The following RPGRIP1L variants were observed in gnomAD, a reference collection of about 807,000 sequenced individuals.
RPGRIP1L encodes the protein protein fantom.
In RPGRIP1L, 131 loss-of-function variants were observed where a neutral mutation model predicts 160.4. That is an observed-to-expected ratio of 0.82 (90% CI 0.71 to 0.94). The LOEUF (loss-of-function observed/expected upper bound fraction) is 0.94. Ranked by LOEUF, RPGRIP1L falls within the 40% of genes least tolerant of loss-of-function variation. The pLI, the probability that RPGRIP1L is intolerant of heterozygous loss-of-function variation, is 0.00. For synonymous variants in RPGRIP1L, 510 were observed against 515.8 expected (o/e 0.99, Z 0.15); for missense variants, 1,522 against 1,535.8 (o/e 0.99, Z 0.15).
At chr16:53,688,001 G>A in intron 4 of RPGRIP1L, 36 bp from the exon 5 acceptor site, 1 of 1,245,898 alleles carries the variant, frequency 8.0e-7, no homozygotes, top group South Asian at 1.2e-5. Flanking sequence ...TTACAGAATT[G>A]AAGTTAGAAA....
At chr16:53,610,114 G>A (rs1281001966) in intron 25 of RPGRIP1L, among the ~76,000 whole-genome samples, 1 of 151,948 alleles carries the variant, frequency 6.6e-6, no homozygotes, top group African/African-American at 2.4e-5. Flanking sequence ...GAGGGAGGAC[G>A]GCCAGCAAGG....
intron 23 of RPGRIP1L, among the ~76,000 whole-genome samples, chr16:53,621,057 C>G (rs888952560): frequency 6.6e-6 from 1 of 152,134 alleles, no homozygotes; most frequent in Non-Finnish European, 1.5e-5. Flanking sequence ...CTTATTTCTA[C>G]TCTGTGAAAA....
intron 10 of RPGRIP1L, 84 bp downstream of exon 10, chr16:53,664,786 A>G: frequency 6.9e-7 from 1 of 1,445,192 alleles, no homozygotes; most frequent in Non-Finnish European, 9.6e-7. Flanking sequence ...GGCAAACAGT[A>G]GGCACCAGAG....
chr16:53,686,438 A>T lies in RPGRIP1L; in HGVS notation c.771T>A (p.Asp257Glu). 1 of 1,613,074 alleles carries T rather than the reference A, an allele frequency of 6.2e-7. No homozygotes were observed. ...ATATTTCTGTTTTAACATACCTTTG[A>T]TCTGTAGCTTGCTGTTCTCGAAGCT... ...LLQLREQQATDQRSNIRDNVE... is the reference protein window; with the variant it reads ...LLQLREQQATEQRSNIRDNVE... The change falls in exon 6 of 27, where the codon GAT (aspartate) becomes GAA (glutamate). Residue 257 changes from aspartate to glutamate, a missense_variant. By Grantham distance (45) the Asp-to-Glu change is conservative. Coordinates refer to ENST00000647211, the MANE Select transcript of RPGRIP1L (RefSeq NM_015272.5).
At chr16:53,700,071 G>A (rs921298670) in intron 2 of RPGRIP1L, among the ~76,000 whole-genome samples, 2 of 152,160 alleles carry the variant, frequency 1.3e-5, no homozygotes, top group Non-Finnish European at 1.5e-5. Context: ...GACACACAAA[G>A]ATAAACACAG....
intron 26 of RPGRIP1L, among the ~76,000 whole-genome samples, chr16:53,605,045 G>A (rs943506288): frequency 4.6e-5 from 7 of 152,054 alleles, no homozygotes; most frequent in African/African-American, 1.7e-4. Context: ...GCCGGGCATG[G>A]TGATGCACGC....
chr16:53,684,799 A>G (rs1969876365), intron 6 of RPGRIP1L, among the ~76,000 whole-genome samples: 1 of 152,050 alleles, frequency 6.6e-6, no homozygotes, highest in Non-Finnish European at 1.5e-5. Flanking sequence ...GCATATAGGC[A>G]TGGGCAAAGT....
chr16:53,612,550 T>C (rs1964120277), intron 24 of RPGRIP1L, among the ~76,000 whole-genome samples: 1 of 151,660 alleles, frequency 6.6e-6, no homozygotes, highest in South Asian at 2.1e-4. Context: ...CATATTGTTT[T>C]TGACTTCAGA....
In RPGRIP1L at chr16:53,657,582, A is replaced by G. The variant is rs768755202; in HGVS notation, c.1452T>C (p.Asp484=). Residue 484 remains aspartate (D), a synonymous_variant, in exon 13 of 27, where the codon GAT becomes GAC. Coordinates refer to ENST00000647211, the MANE Select transcript of RPGRIP1L (RefSeq NM_015272.5). ...GTTCTAGATCTTTATTAATTTCACT[A>G]TCTACTTTCACTAAAAAGGAAAGGT... ...NGDLSFLVKV[D]SEINKDLERS... 2 of 1,600,194 alleles carry G rather than the reference A, an allele frequency of 1.2e-6. No homozygotes were observed. The highest frequency in any genetic ancestry group is 2.2e-5 in the East Asian group (1 of 44,680).
chr16:53,701,216 C>T (rs1971366573), intron 1 of RPGRIP1L, among the ~76,000 whole-genome samples: 1 of 152,148 alleles, frequency 6.6e-6, no homozygotes, highest in Non-Finnish European at 1.5e-5. Context: ...GCACTGATCA[C>T]ATGTGCCTGG....
At position 53,657,438 on chromosome 16, in the gene RPGRIP1L, AGTGT is replaced by A; in HGVS notation, c.1581+11_1581+14del. The A allele has an allele frequency of 6.5e-7, 1 of 1,537,678 alleles. No individual in the cohort carries two copies. Among genetic ancestry groups the A allele is most frequent in the Non-Finnish European group, 9.0e-7 (1 of 1,113,094 alleles). On this transcript the variant is annotated intron_variant, in intron 13 of 26. Transcript: ENST00000647211. ...TATAGAAAACTTACTTTCCCCATTT[AGTGT>A]ATTACATTACCTGATAATCTTTATT...
At chr16:53,624,927 G>T (rs1964990458) in intron 22 of RPGRIP1L, among the ~76,000 whole-genome samples, 1 of 152,070 alleles carries the variant, frequency 6.6e-6, no homozygotes, top group South Asian at 2.1e-4. Context: ...CACCACGCCT[G>T]ACTGGTTTTT....
chr16:53,692,626 C>T (rs1048269408), intron 3 of RPGRIP1L, among the ~76,000 whole-genome samples: 2 of 152,216 alleles, frequency 1.3e-5, no homozygotes, highest in African/African-American at 4.8e-5. Context: ...CACATATTTA[C>T]TCCATATGTT....
At chr16:53,675,545 T>C (rs1185024228) in intron 6 of RPGRIP1L, among the ~76,000 whole-genome samples, 1 of 152,180 alleles carries the variant, frequency 6.6e-6, no homozygotes, top group Non-Finnish European at 1.5e-5. Flanking sequence ...AAATATGCAA[T>C]ACAGCCATTC....
intron 2 of RPGRIP1L, among the ~76,000 whole-genome samples, chr16:53,697,111 C>T (rs1022678631): frequency 1.3e-5 from 2 of 151,966 alleles, no homozygotes; most frequent in African/African-American, 4.8e-5. Flanking sequence ...GGACAATCGC[C>T]CAGGAGGCGG....
Position 53,652,642 on chromosome 16 carries a change from AC to A in RPGRIP1L, c.2044del (p.Val682SerfsTer17), listed in dbSNP as rs756770384. ...ATATTCTGTGCTATAAGCCTGGTGG[AC>A]CTCAAGGGTGATAGTATTCTTCTGA... Reference protein sequence around the residue: ...YIQKNTITLEVHQAYSTEYET... With the variant: ...YIQKNTITLEXHQAYSTEYET... On this transcript the variant is annotated frameshift_variant, in exon 15 of 27. Coordinates refer to ENST00000647211, the MANE Select transcript of RPGRIP1L (RefSeq NM_015272.5). LOFTEE classifies it high-confidence loss of function. The A allele has an allele frequency of 1.2e-6, 2 of 1,613,618 alleles. No individual in the cohort carries two copies. The highest frequency in any genetic ancestry group is 1.7e-6 in the Non-Finnish European group (2 of 1,179,626).
chr16:53,692,620 T>A (rs929891038), intron 3 of RPGRIP1L, among the ~76,000 whole-genome samples: 4 of 152,192 alleles, frequency 2.6e-5, no homozygotes, highest in Admixed American at 2.6e-4. Flanking sequence ...AGAGGACACA[T>A]ATTTACTCCA....
intron 1 of RPGRIP1L, chr16:53,701,830 A>G (rs911562462): frequency 2.0e-5 from 3 of 152,040 alleles, no homozygotes; most frequent in African/African-American, 7.2e-5. Flanking sequence ...TTGTATGTAT[A>G]TGTATATATG....
At chr16:53,683,411 A>C (rs1375699025) in intron 6 of RPGRIP1L, among the ~76,000 whole-genome samples, 1 of 152,204 alleles carries the variant, frequency 6.6e-6, no homozygotes. Context: ...AGAAGTTTGA[A>C]TATAAACCAG....
Sources: gnomAD v4.1 joint callset for allele counts (sites outside exome capture counted in the v4.1 genomes callset) on GRCh38, gnomAD v4.1.1 for gene constraint, MANE v1.5 for transcripts, NCBI Gene and HGNC (gene_info 2026-07-23, HGNC 2026-07-21) for gene names.